Variants in RIIAD1 observed in about 807,000 individuals in gnomAD.
The protein encoded by RIIAD1 is regulatory subunit of type II PKA R-subunit domain containing 1, also known as RIIa domain-containing protein 1.
A neutral mutation model predicts 13.3 loss-of-function variants in RIIAD1; 15 were observed. The observed-to-expected ratio is 1.13, with a 90% confidence interval of 0.76 to 1.74. The LOEUF is 1.74. RIIAD1 is among the 40% of genes most tolerant of loss of function. The pLI is 0.00. For synonymous variants in RIIAD1, 50 were observed against 43.3 expected (o/e 1.16, Z -0.61); for missense variants, 121 against 112.2 (o/e 1.08, Z -0.35).
upstream of RIIAD1, chr1:151,716,568 C>G: frequency 2.9e-6 from 1 of 343,856 alleles, no homozygotes. Context: ...GATCCTTCTG[C>G]TGGGTCCGAA....
chr1:151,721,136 G>A (rs1673726747), upstream of RIIAD1, among the ~76,000 whole-genome samples: 1 of 152,168 alleles, frequency 6.6e-6, no homozygotes, highest in South Asian at 2.1e-4. Flanking sequence ...ACCGGACAGA[G>A]GGACGGGTTG....
At chr1:151,722,015 C>G in intron 1 of RIIAD1, 71 bp from the exon 2 acceptor site, 1 of 1,093,440 alleles carries the variant, frequency 9.1e-7, no homozygotes, top group Non-Finnish European at 1.4e-6. Flanking sequence ...TTCCCGCAGC[C>G]CTTCACATCT....
intron 4 of RIIAD1, among the ~76,000 whole-genome samples, chr1:151,714,864 G>A (rs1317723962): frequency 1.3e-5 from 2 of 152,110 alleles, no homozygotes. Context: ...ACACCTGGAG[G>A]CCTAAATACT....
At chr1:151,713,883 A>T (rs1673235632) in intron 3 of RIIAD1, among the ~76,000 whole-genome samples, 1 of 152,150 alleles carries the variant, frequency 6.6e-6, no homozygotes, top group Non-Finnish European at 1.5e-5. Flanking sequence ...TGGGAAGAAG[A>T]CACAAAGAGA....
At chr1:151,724,998 C>A (rs919670705) in intron 2 of RIIAD1, among the ~76,000 whole-genome samples, 1 of 150,420 alleles carries the variant, frequency 6.6e-6, no homozygotes, top group Admixed American at 6.6e-5. Flanking sequence ...TTAGTAGAGA[C>A]GGGGTTTCAC....
At chr1:151,723,660 A>C (rs948892070) in intron 2 of RIIAD1, among the ~76,000 whole-genome samples, 1 of 152,252 alleles carries the variant, frequency 6.6e-6, no homozygotes, top group African/African-American at 2.4e-5. Flanking sequence ...AGATTGCGCC[A>C]CTGCACTCCA....
intron 4 of RIIAD1, among the ~76,000 whole-genome samples, chr1:151,714,866 C>T (rs1174975272): frequency 6.6e-6 from 1 of 152,032 alleles, no homozygotes; most frequent in Non-Finnish European, 1.5e-5. Context: ...ACCTGGAGGC[C>T]TAAATACTGG....
At chr1:151,721,920 A>C (rs1457831004) in intron 1 of RIIAD1, 166 bp from the exon 2 acceptor site, 4 of 620,494 alleles carry the variant, frequency 6.4e-6, no homozygotes, top group Non-Finnish European at 1.2e-5. Flanking sequence ...AACAAGCGGC[A>C]GAATGATATT....
intron 2 of RIIAD1, among the ~76,000 whole-genome samples, chr1:151,725,327 G>T (rs186269940): frequency 4.2e-4 from 64 of 151,898 alleles, no homozygotes; most frequent in Admixed American, 2.5e-3. Flanking sequence ...GGCCAGGCTG[G>T]TCTCAAACTC....
chr1:151,721,105 C>T (rs976472193), upstream of RIIAD1, among the ~76,000 whole-genome samples: 2 of 152,116 alleles, frequency 1.3e-5, no homozygotes, highest in Non-Finnish European at 2.9e-5. Context: ...GAAGAATCCA[C>T]GGCTCCAGTG....
chr1:151,722,042 A>G (rs1417705023), intron 1 of RIIAD1, 44 bp from the exon 2 acceptor site: 1 of 1,379,664 alleles, frequency 7.2e-7, no homozygotes, highest in Non-Finnish European at 1.0e-6. Flanking sequence ...CTGAACCCTG[A>G]ATCTGTCTCC....
intron 2 of RIIAD1, among the ~76,000 whole-genome samples, chr1:151,726,113 T>G (rs1571949860): frequency 6.6e-6 from 1 of 152,180 alleles, no homozygotes; most frequent in East Asian, 1.9e-4. Context: ...TGGAATGTTT[T>G]TGTCCCTCAA....
intron 1 of RIIAD1, among the ~76,000 whole-genome samples, chr1:151,711,557 T>C (rs1673020326): frequency 6.6e-6 from 1 of 151,800 alleles, no homozygotes; most frequent in South Asian, 2.1e-4. Flanking sequence ...AATCTGGGAT[T>C]ATCCCATCGG....
chr1:151,721,886 C>T (rs1673743818), intron 1 of RIIAD1, 200 bp from the exon 2 acceptor site: 2 of 600,982 alleles, frequency 3.3e-6, no homozygotes, highest in Non-Finnish European at 5.9e-6. Flanking sequence ...ACACATCCGA[C>T]CTTAGTAAAG....
Position 151,728,767 on chromosome 1 carries a change from C to T in RIIAD1, c.210C>T (p.Asp70=). 4 of 1,523,072 alleles carry T rather than the reference C, an allele frequency of 2.6e-6. No homozygotes were observed. The highest frequency in any genetic ancestry group is 2.7e-6 in the Non-Finnish European group (3 of 1,121,170). The allele number at this position is 1,523,072 out of a possible 1,614,324, so 94.3% of individuals were successfully genotyped here. Reference sequence around the variant, plus strand: ...TCTTCTTTTTGATTTTTATCCCAGACTACTTCACGGATCCAAGACTTCCCA... The same window carrying T: ...TCTTCTTTTTGATTTTTATCCCAGATTACTTCACGGATCCAAGACTTCCCA... The part of the protein sequence containing the change: ...RPDNILEFAA[D]YFTDPRLPNK... Residue 70 remains aspartate (D), a splice_region_variant and synonymous_variant, in exon 4 of 5, where the codon GAC becomes GAT. Transcript: ENST00000479191.
At chr1:151,716,936 T>C (rs918857175), upstream of RIIAD1, 19 of 359,690 alleles carry the variant, frequency 5.3e-5, no homozygotes, top group African/African-American at 1.1e-4. Context: ...ACGCCCTCTT[T>C]CTATCTCCAT....
chr1:151,718,998 G>A (rs1673689048), upstream of RIIAD1, among the ~76,000 whole-genome samples: 1 of 151,974 alleles, frequency 6.6e-6, no homozygotes, highest in African/African-American at 2.4e-5. Context: ...TCAGGCTTGG[G>A]GCTAATCATA....
chr1:151,712,915 ACT>A (rs998270451), intron 2 of RIIAD1, among the ~76,000 whole-genome samples: 12 of 151,360 alleles, frequency 7.9e-5, no homozygotes, highest in African/African-American at 2.9e-4. Context: ...ATGCACACAC[ACT>A]CATGCATGCA....
In RIIAD1 at chr1:151,728,889, T is replaced by C; in HGVS notation, c.*53T>C. 9.9e-7 allele frequency: 1 copy of C among 1,009,870 alleles called. No homozygotes were observed. Among genetic ancestry groups the C allele is most frequent in the Non-Finnish European group, 1.5e-6 (1 of 653,262 alleles). 62.6% of individuals were successfully genotyped at this position (1,009,870 alleles called of 1,614,324 possible). On this transcript the variant is annotated 3_prime_UTR_variant, in exon 4 of 5. Coordinates refer to ENST00000479191, the MANE Select transcript of RIIAD1 (RefSeq NM_001144956.3). ...GGGAGAGACCAGACGGAATCCAGCC[T>C]CGGGGTGGGTGTTAACCTCACTTAC...
Sources: allele counts gnomAD v4.1 joint callset (sites outside exome capture counted in the v4.1 genomes callset), GRCh38; gene constraint gnomAD v4.1.1; transcripts MANE v1.5; gene names NCBI Gene and HGNC (gene_info 2026-07-23, HGNC 2026-07-21).